Variants in PLD1 observed in about 807,000 individuals in gnomAD.
The protein encoded by PLD1 is choline phosphatase 1.
PLD1 carries 112 observed loss-of-function variants against 137.1 expected under a neutral mutation model. The ratio of observed to expected loss-of-function variants is 0.82; its 90% CI spans 0.70 to 0.96. PLD1 has a LOEUF of 0.96. Ranked by LOEUF, PLD1 falls within the 40% of genes least tolerant of loss-of-function variation. The pLI is 0.00. For missense variants in PLD1, 1,321 were observed against 1,342.0 expected, an observed-to-expected ratio of 0.98 and a Z score of 0.24; for synonymous variants, 431 against 454.7, an observed-to-expected ratio of 0.95 and a Z score of 0.66.
chr3:171,668,759 T>C lies in PLD1; in HGVS notation c.2229+5741A>G, dbSNP rs556675510. ...TGAGCTTTAAAAAGGATTGTTCCCA[T>C]GTGTTGACCCCATGTTGATGCTGAC... On this transcript the variant is annotated intron_variant, in intron 19 of 26. Coordinates refer to ENST00000351298, the MANE Select transcript of PLD1 (RefSeq NM_002662.5). Among the ~76,000 whole-genome samples the C allele has an allele frequency of 1.4e-4, 22 of 152,360 alleles. No individual in the cohort carries two copies. In the South Asian group the frequency reaches 3.3e-3, roughly 23 times the overall value.
At chr3:171,677,749 G>A in intron 16 of PLD1, 55 bp from the exon 17 acceptor site, 2 of 1,561,966 alleles carry the variant, frequency 1.3e-6, no homozygotes, top group Non-Finnish European at 1.7e-6. Flanking sequence ...GTCCCAGAAA[G>A]GGAGGCTCAA....
intron 18 of PLD1, among the ~76,000 whole-genome samples, chr3:171,674,822 T>C (rs1713171489): frequency 6.6e-6 from 1 of 151,190 alleles, no homozygotes; most frequent in African/African-American, 2.4e-5. Flanking sequence ...CTACTAAAAA[T>C]ACAAAAATTA....
chr3:171,623,695 C>T (rs560536212), intron 23 of PLD1, among the ~76,000 whole-genome samples: 1 of 151,976 alleles, frequency 6.6e-6, no homozygotes, highest in South Asian at 2.1e-4. Flanking sequence ...GATAAATAGA[C>T]AGATACACCA....
At position 171,687,412 on chromosome 3, in the gene PLD1, AG is replaced by A. The variant is rs1270957469; in HGVS notation, c.1711del (p.Leu571CysfsTer26). ...GCTGCTGATGCTATCTGCGTCGTGC[AG>A]GTGGTGCCTGTGGAGCTGCTTGTAG... ...SLYKQLHRHH[L>X]HDADSISSID... On this transcript the variant is annotated frameshift_variant, in exon 15 of 27. Coordinates refer to ENST00000351298, the MANE Select transcript of PLD1 (RefSeq NM_002662.5). LOFTEE classifies it high-confidence loss of function. The A allele has an allele frequency of 1.9e-6, 3 of 1,614,086 alleles. No homozygotes were observed. The highest frequency in any genetic ancestry group is 2.7e-5 in the African/African-American group (2 of 74,936).
At chr3:171,738,670 T>C (rs558287143) in intron 1 of PLD1, among the ~76,000 whole-genome samples, 1 of 152,346 alleles carries the variant, frequency 6.6e-6, no homozygotes, top group South Asian at 2.1e-4. Flanking sequence ...TAATGACGTA[T>C]GTGTCTTGAA....
intron 23 of PLD1, among the ~76,000 whole-genome samples, chr3:171,640,910 G>C (rs984279356): frequency 1.3e-5 from 2 of 152,216 alleles, no homozygotes; most frequent in Non-Finnish European, 2.9e-5. Flanking sequence ...AGTCAGCTGT[G>C]ATGCTAAATA....
At position 171,709,632 on chromosome 3, in the gene PLD1, T is replaced by C; in HGVS notation, c.989A>G (p.His330Arg). The change falls in exon 10 of 27, where the codon CAT becomes CGT. Residue 330 changes from histidine (H) to arginine (R), a missense_variant. Coordinates refer to ENST00000351298, the MANE Select transcript of PLD1 (RefSeq NM_002662.5). The part of the protein sequence containing the change: ...GGAIEEFIQK[H>R]GTNFLKDHRF... ...ATGATCTTTGAGAAAGTTGGTGCCA[T>C]GTTTCTGGATGAATTCTTCTATAGC... 6.2e-7 allele frequency: 1 copy of C among 1,613,932 alleles called. No homozygotes were observed. The highest frequency in any genetic ancestry group is 1.3e-5 in the African/African-American group (1 of 75,054).
At chr3:171,654,378 TA>T (rs2108414120) in intron 21 of PLD1, 1 of 244,862 alleles carries the variant, frequency 4.1e-6, no homozygotes, top group African/African-American at 2.4e-5. Flanking sequence ...TTTAATAGCA[TA>T]TTTTTAATGC....
intron 23 of PLD1, among the ~76,000 whole-genome samples, chr3:171,623,116 A>G (rs1388055979): frequency 6.6e-6 from 1 of 152,090 alleles, no homozygotes. Flanking sequence ...TCCCAGGTTA[A>G]TTTATAAATT....
chr3:171,782,848 G>A (rs182326887), intron 1 of PLD1, among the ~76,000 whole-genome samples: 1 of 152,178 alleles, frequency 6.6e-6, no homozygotes, highest in Admixed American at 6.5e-5. Flanking sequence ...GAATAAGAAT[G>A]ATCCTGTAAA....
intron 1 of PLD1, among the ~76,000 whole-genome samples, chr3:171,802,114 T>G (rs1265167551): frequency 1.3e-5 from 2 of 152,194 alleles, no homozygotes; most frequent in East Asian, 3.9e-4. Context: ...AATGAATCCC[T>G]TGGGAACCAG....
At chr3:171,641,575 T>C (rs1297615060) in intron 23 of PLD1, among the ~76,000 whole-genome samples, 3 of 152,190 alleles carry the variant, frequency 2.0e-5, no homozygotes, top group Admixed American at 6.5e-5. Context: ...GAAGGTCATA[T>C]CATGACCTTC....
intron 8 of PLD1, among the ~76,000 whole-genome samples, chr3:171,724,272 A>G (rs910407211): frequency 2.6e-5 from 4 of 152,352 alleles, no homozygotes; most frequent in African/African-American, 9.6e-5. Context: ...GTTTCTCTAC[A>G]GAAAATATTC....
chr3:171,784,721 A>C lies in PLD1; in HGVS notation c.-32+25678T>G, dbSNP rs530654767. ...AGCTCAAACACAGGCTCCAAGCCAG[A>C]CAGTGACCACACTCCTCTAGAACCA... is the stretch of plus-strand genomic sequence containing the variant. On this transcript the variant is annotated intron_variant, in intron 1 of 26. Transcript: ENST00000351298. 8.5e-5 allele frequency among the ~76,000 whole-genome samples: 13 copies of C among 152,300 alleles called. No homozygotes were observed. In the East Asian group the frequency reaches 2.5e-3, roughly 29 times the overall value.
chr3:171,719,816 C>T (rs1221844583), intron 8 of PLD1, among the ~76,000 whole-genome samples: 1 of 152,062 alleles, frequency 6.6e-6, no homozygotes, highest in Non-Finnish European at 1.5e-5. Context: ...TTTTTTAAAA[C>T]TCATCTCTCA....
chr3:171,626,640 T>C (rs1161316536), intron 23 of PLD1, among the ~76,000 whole-genome samples: 1 of 150,176 alleles, frequency 6.7e-6, no homozygotes, highest in Non-Finnish European at 1.5e-5. Flanking sequence ...CCCATCAGAC[T>C]AACAGCGGAT....
intron 1 of PLD1, among the ~76,000 whole-genome samples, chr3:171,772,345 C>A (rs1342393662): frequency 2.0e-5 from 3 of 152,168 alleles, no homozygotes; most frequent in African/African-American, 7.2e-5. Flanking sequence ...AATATGCAGG[C>A]AAAGCTTGAT....
Position 171,737,887 on chromosome 3 carries a change from T to C in PLD1, c.160+5A>G. 6.2e-7 allele frequency: 1 copy of C among 1,613,034 alleles called. No homozygotes were observed. Among genetic ancestry groups the C allele is most frequent in the South Asian group, 1.1e-5 (1 of 90,860 alleles). On this transcript the variant is annotated splice_donor_5th_base_variant and intron_variant, in intron 2 of 26. Transcript: ENST00000351298. ...TTCTTCCCCGCTCAGATCATCCGTCTTTACCTTCTTGTATCTTGGGATCGC... is the reference window on the plus strand; with the variant it reads ...TTCTTCCCCGCTCAGATCATCCGTCCTTACCTTCTTGTATCTTGGGATCGC...
intron 6 of PLD1, 85 bp from the exon 7 acceptor site, chr3:171,726,161 T>C: frequency 1.2e-6 from 1 of 844,826 alleles, no homozygotes; most frequent in South Asian, 1.4e-5. Flanking sequence ...TATAGCTGTG[T>C]GTATATACTG....
Sources: allele counts gnomAD v4.1 joint callset (sites outside exome capture counted in the v4.1 genomes callset), GRCh38; gene constraint gnomAD v4.1.1; transcripts MANE v1.5; gene names NCBI Gene and HGNC (gene_info 2026-07-23, HGNC 2026-07-21).